Variants in SPATA19 observed in about 807,000 individuals in gnomAD.
SPATA19 encodes the protein spermatogenesis-associated protein 19, mitochondrial.
A neutral mutation model predicts 25.0 loss-of-function variants in SPATA19; 19 were observed. The ratio of observed to expected loss-of-function variants is 0.76; its 90% CI spans 0.53 to 1.11. SPATA19 has a LOEUF of 1.11. SPATA19 is among the 50% of genes most tolerant of loss of function. The probability of loss-of-function intolerance (pLI) is 0.00; values close to 1 mark genes in which losing one functional copy is unlikely to be tolerated. For missense variants in SPATA19, 222 were observed against 211.4 expected (o/e 1.05, Z -0.31); for synonymous variants, 64 against 69.3 (o/e 0.92, Z 0.38).
At chr11:133,844,367 C>G in intron 3 of SPATA19, 30 bp from the exon 4 acceptor site, 1 of 1,613,114 alleles carries the variant, frequency 6.2e-7, no homozygotes, top group Non-Finnish European at 8.5e-7. Context: ...CATGTGATTC[C>G]TGCCCAGTGT....
At chr11:133,839,103 C>G (rs1268035272), downstream of SPATA19, among the ~76,000 whole-genome samples, 1 of 152,190 alleles carries the variant, frequency 6.6e-6, no homozygotes, top group Non-Finnish European at 1.5e-5. Context: ...CTAGTTCAAC[C>G]ATTGTGGAAG....
intron 4 of SPATA19, 70 bp downstream of exon 4, chr11:133,844,176 G>T: frequency 2.3e-6 from 3 of 1,281,214 alleles, no homozygotes; most frequent in South Asian, 2.4e-5. Flanking sequence ...GCATCTGAGG[G>T]TTCGTGAAGA....
chr11:133,836,690 A>G (rs1938218612), downstream of SPATA19, among the ~76,000 whole-genome samples: 1 of 152,252 alleles, frequency 6.6e-6, no homozygotes, highest in Non-Finnish European at 1.5e-5. Context: ...TTCCCATTAT[A>G]TGTAAGACTT....
chr11:133,843,049 T>TA (rs1197736548), intron 4 of SPATA19, among the ~76,000 whole-genome samples: 9 of 152,120 alleles, frequency 5.9e-5, no homozygotes, highest in African/African-American at 2.2e-4. Flanking sequence ...ACTATATACT[T>TA]ACTGAAATAA....
downstream of SPATA19, among the ~76,000 whole-genome samples, chr11:133,837,514 A>T (rs1025832907): frequency 1.3e-5 from 2 of 152,226 alleles, no homozygotes; most frequent in African/African-American, 4.8e-5. Context: ...AGGGGAAAGT[A>T]GCCATTTTTA....
chr11:133,840,097 T>C (rs1157647820), downstream of SPATA19, among the ~76,000 whole-genome samples: 1 of 152,168 alleles, frequency 6.6e-6, no homozygotes, highest in East Asian at 1.9e-4. Flanking sequence ...AGAAATTATA[T>C]CCAGCTTCTC....
downstream of SPATA19, among the ~76,000 whole-genome samples, chr11:133,837,671 G>T (rs559801374): frequency 8.5e-5 from 13 of 152,276 alleles, no homozygotes; most frequent in South Asian, 1.2e-3. Flanking sequence ...AGGTCAATGA[G>T]GGGGGAAGCT....
downstream of SPATA19, among the ~76,000 whole-genome samples, chr11:133,837,569 C>G (rs906938152): frequency 6.6e-6 from 1 of 152,170 alleles, no homozygotes; most frequent in Non-Finnish European, 1.5e-5. Flanking sequence ...AGCCCACCCT[C>G]AAGGGAAACT....
At chr11:133,842,660 CTT>C (rs1725652170) in intron 4 of SPATA19, 98 bp from the exon 5 acceptor site, 2 of 939,008 alleles carry the variant, frequency 2.1e-6, no homozygotes, top group Admixed American at 3.6e-5. Flanking sequence ...AACAATGACT[CTT>C]GCCCTGACAC....
chr11:133,838,019 C>T (rs1482107829), downstream of SPATA19, among the ~76,000 whole-genome samples: 1 of 152,144 alleles, frequency 6.6e-6, no homozygotes, highest in African/African-American at 2.4e-5. Flanking sequence ...AAACATACAG[C>T]CTCACACTAA....
rs536056676 is a variant in SPATA19, at chr11:133,842,496, C to T, written c.426G>A (p.Gln142=). 6.2e-7 allele frequency: 1 copy of T among 1,613,940 alleles called. No individual in the cohort carries two copies. Among genetic ancestry groups the T allele is most frequent in the South Asian group, 1.1e-5 (1 of 91,080 alleles). ...TEDIMRDRIE[Q]VRRSISRLTD... is the part of the protein sequence containing the mutation. ...TCCAAACAGCTTACCTTCGTCTCAC[C>T]TGCTCTATTCGATCTCGCATGATGT... Residue 142 remains glutamine, a synonymous_variant, in exon 5 of 7, where the codon CAG becomes CAA. Coordinates refer to ENST00000299140, the MANE Select transcript of SPATA19 (RefSeq NM_174927.3).
rs770773906 is a variant in SPATA19 at position 133,844,542 on chromosome 11, G to T, written c.234C>A (p.Thr78=). The change falls in exon 3 of 7, where the codon ACC becomes ACA. Residue 78 remains threonine (T), a synonymous_variant. Coordinates refer to ENST00000299140, the MANE Select transcript of SPATA19 (RefSeq NM_174927.3). ...TGGTCACGTGGATGTCCTGGCCATG[G>T]GTGGGAGGGGAGTCAGTGGACATCT... is the stretch of plus-strand genomic sequence containing the variant. ...REKMSTDSPP[T]HGQDIHVTRD... The T allele has an allele frequency of 1.2e-6, 2 of 1,614,170 alleles. No homozygotes were observed. The highest frequency in any genetic ancestry group is 1.7e-6 in the Non-Finnish European group (2 of 1,180,028).
chr11:133,842,116 C>A lies in SPATA19; in HGVS notation c.438-11G>T. On this transcript the variant is annotated splice_polypyrimidine_tract_variant and intron_variant, in intron 5 of 6. Transcript: ENST00000299140. ...GTAAGACGGGATATGCTGCAGGGGA[C>A]AGAGGAGAAGGGCCAGGTGGAGGGA... The A allele has an allele frequency of 6.2e-7, 1 of 1,613,804 alleles. No individual in the cohort carries two copies. The highest frequency in any genetic ancestry group is 8.5e-7 in the Non-Finnish European group (1 of 1,179,934).
downstream of SPATA19, among the ~76,000 whole-genome samples, chr11:133,837,672 G>C (rs550591787): frequency 6.6e-6 from 1 of 152,168 alleles, no homozygotes; most frequent in Non-Finnish European, 1.5e-5. Context: ...GGTCAATGAG[G>C]GGGGAAGCTG....
intron 2 of SPATA19, 21 bp downstream of exon 2, chr11:133,845,113 T>C: frequency 6.2e-7 from 1 of 1,609,356 alleles, no homozygotes; most frequent in Non-Finnish European, 8.5e-7. Context: ...ATATCCTGAG[T>C]CATAAAGAAA....
At chr11:133,843,753 G>A (rs1405889633) in intron 4 of SPATA19, among the ~76,000 whole-genome samples, 2 of 152,186 alleles carry the variant, frequency 1.3e-5, no homozygotes, top group Admixed American at 1.3e-4. Flanking sequence ...GGGCCTCGGG[G>A]CTCAGCATCT....
Position 133,844,562 on chromosome 11 carries a change from A to G in SPATA19, c.214T>C (p.Ser72Pro), listed in dbSNP as rs776464921. 20 of 1,613,986 alleles carry G rather than the reference A, an allele frequency of 1.2e-5. No homozygotes were observed. In the African/African-American group the frequency reaches 2.4e-4, roughly 19 times the overall value. ...CCATGGGTGGGAGGGGAGTCAGTGGACATCTTCTCCCTTACACCCTGGGAA... is the reference window on the plus strand; with the variant it reads ...CCATGGGTGGGAGGGGAGTCAGTGGGCATCTTCTCCCTTACACCCTGGGAA... Reference protein sequence around the residue: ...HPSQGVREKMSTDSPPTHGQD... With the variant: ...HPSQGVREKMPTDSPPTHGQD... Residue 72 changes from serine to proline, a missense_variant, in exon 3 of 7, where the codon TCC (serine) becomes CCC (proline). Physicochemically the swap from Ser to Pro is moderately conservative, Grantham distance 74. Coordinates refer to ENST00000299140, the MANE Select transcript of SPATA19 (RefSeq NM_174927.3).
At chr11:133,844,221 G>T (rs564315011) in intron 4 of SPATA19, 25 bp downstream of exon 4, 4 of 1,600,146 alleles carry the variant, frequency 2.5e-6, no homozygotes, top group South Asian at 2.2e-5. Flanking sequence ...CCCTTCCTTC[G>T]CCCAGGGCAA....
chr11:133,838,732 G>C (rs975804077), downstream of SPATA19, among the ~76,000 whole-genome samples: 1 of 151,904 alleles, frequency 6.6e-6, no homozygotes, highest in Non-Finnish European at 1.5e-5. Context: ...CTACCATCAG[G>C]GTGAACAGGC....
Sources: allele counts gnomAD v4.1 joint callset (sites outside exome capture counted in the v4.1 genomes callset), GRCh38; gene constraint gnomAD v4.1.1; transcripts MANE v1.5; gene names NCBI Gene and HGNC (gene_info 2026-07-23, HGNC 2026-07-21).